WRN: variants seen among roughly 807,000 people sequenced by gnomAD.
WRN encodes WRN RecQ like helicase.
WRN carries 149 observed loss-of-function variants against 180.7 expected under a neutral mutation model. The ratio of observed to expected loss-of-function variants is 0.82; its 90% CI spans 0.72 to 0.94. The LOEUF is 0.94. Among genes scored for constraint, WRN ranks in the 40% least tolerant of loss-of-function variants. The probability of loss-of-function intolerance (pLI) is 0.00; values close to 1 mark genes in which losing one functional copy is unlikely to be tolerated. For missense variants in WRN, 1,661 were observed against 1,700.1 expected (o/e 0.98, Z 0.40); for synonymous variants, 548 against 568.9 (o/e 0.96, Z 0.52).
intron 24 of WRN, among the ~76,000 whole-genome samples, chr8:31,134,492 GT>G (rs1388438001): frequency 2.0e-5 from 3 of 152,154 alleles, no homozygotes; most frequent in Non-Finnish European, 4.4e-5. Flanking sequence ...AAATTAAACA[GT>G]GAAGTTATTA....
rs1803929441 is a variant in WRN, at chr8:31,167,174, G to A, written c.4135G>A (p.Glu1379Lys). 6.2e-7 allele frequency: 1 copy of A among 1,613,324 alleles called. No individual in the cohort carries two copies. The highest frequency in any genetic ancestry group is 8.5e-7 in the Non-Finnish European group (1 of 1,179,460). ...CAAAAGGAGATGTTTTCCCGGTTCT[G>A]AAGAGATCTGTTCAAGTTCTAAGAG... ...VNKRRCFPGS[E>K]EICSSSKRSK... The change falls in exon 34 of 35, where the codon GAA becomes AAA. Residue 1379 changes from glutamate (E) to lysine (K), a missense_variant. By Grantham distance (56) the Glu-to-Lys change is moderately conservative. Transcript: ENST00000298139.
intron 1 of WRN, among the ~76,000 whole-genome samples, chr8:31,042,263 C>G (rs977318739): frequency 1.1e-4 from 17 of 152,178 alleles, no homozygotes; most frequent in African/African-American, 3.9e-4. Flanking sequence ...GAGGGCTGGT[C>G]AGAAGACTGG....
At chr8:31,056,009 G>T (rs964744624) in intron 1 of WRN, among the ~76,000 whole-genome samples, 2 of 152,074 alleles carry the variant, frequency 1.3e-5, no homozygotes, top group Non-Finnish European at 2.9e-5. Flanking sequence ...ACAAATTTAC[G>T]TTCAAATCTT....
chr8:31,149,455 GTTTTTTTTTTTTTTTTTTTTTTTTTT>G (rs71208105), intron 30 of WRN, among the ~76,000 whole-genome samples: 1 of 51,976 alleles, frequency 1.9e-5, no homozygotes, highest in East Asian at 6.8e-4. Flanking sequence ...TAATAGAGGT[GTTTTTTTTTTTTTTTTTTTTTTTTTT>G]TTTTTTTTTT....
chr8:31,157,596 T>A, intron 33 of WRN, 66 bp downstream of exon 33: 1 of 1,585,006 alleles, frequency 6.3e-7, no homozygotes, highest in Non-Finnish European at 8.6e-7. Flanking sequence ...ATCCACTATA[T>A]TTTTCACTGT....
chr8:31,084,004 A>G (rs1227335095), intron 10 of WRN, among the ~76,000 whole-genome samples: 1 of 151,854 alleles, frequency 6.6e-6, no homozygotes, highest in Non-Finnish European at 1.5e-5. Context: ...GTTCCTTCTT[A>G]TTTTTTATTT....
chr8:31,121,153 T>G (rs774113364), intron 21 of WRN, among the ~76,000 whole-genome samples: 2 of 151,978 alleles, frequency 1.3e-5, no homozygotes, highest in Non-Finnish European at 1.5e-5. Context: ...CTTTGTTCCT[T>G]CATCCGTAGG....
At position 31,142,695 on chromosome 8, in the gene WRN, G is replaced by T; in HGVS notation, c.3303G>T (p.Glu1101Asp). 1 of 1,601,940 alleles carries T rather than the reference G, an allele frequency of 6.2e-7. No individual in the cohort carries two copies. The highest frequency in any genetic ancestry group is 1.7e-4 in the Middle Eastern group (1 of 6,000). The change falls in exon 27 of 35, where the codon GAG (glutamate) becomes GAT (aspartate). Residue 1101 changes from glutamate (E) to aspartate (D), a missense_variant. This residue lies in a region of WRN where 1,141 missense variants were observed against 1,149.4 expected (regional missense o/e 0.99). Transcript: ENST00000298139. ...YNQVPVELST[E>D]KKSNLEKLYS... The stretch of plus-strand genomic sequence containing the variant: ...AAGTACCAGTTGAATTAAGTACAGA[G>T]AAGAAGGTTTGTTTTAAAGAAATTG...
At position 31,087,860 on chromosome 8, in the gene WRN, A is replaced by AAAG. The variant is rs781777438; in HGVS notation, c.1530_1532dup (p.Glu510dup). 6.2e-6 allele frequency: 10 copies of AAAG among 1,613,242 alleles called. No individual in the cohort carries two copies. The highest frequency in any genetic ancestry group is 5.0e-5 in the Admixed American group (3 of 59,958). ...GGAAAGAAATCTGGGTCTTCCTACT[A>AAAG]AAGAAGAAGAAGAAGATGATGAAAA... On this transcript the variant is annotated inframe_insertion, in exon 12 of 35. Transcript: ENST00000298139.
At chr8:31,082,607 T>A (rs1813359672) in intron 9 of WRN, among the ~76,000 whole-genome samples, 1 of 152,152 alleles carries the variant, frequency 6.6e-6, no homozygotes, top group Non-Finnish European at 1.5e-5. Context: ...TCATGATTTT[T>A]TTTTTTTGAG....
intron 9 of WRN, 99 bp from the exon 10 acceptor site, chr8:31,083,600 G>C: frequency 1.2e-6 from 1 of 854,280 alleles, no homozygotes; most frequent in South Asian, 1.6e-5. Context: ...GGAAGAGGAA[G>C]TTGTCTAAAG....
At chr8:31,071,981 A>G (rs1268899406) in intron 7 of WRN, among the ~76,000 whole-genome samples, 1 of 152,212 alleles carries the variant, frequency 6.6e-6, no homozygotes, top group Non-Finnish European at 1.5e-5. Flanking sequence ...GATTTTAGGT[A>G]TGTTAAGGGA....
intron 17 of WRN, among the ~76,000 whole-genome samples, chr8:31,098,255 A>G (rs1031543142): frequency 6.6e-6 from 1 of 152,220 alleles, no homozygotes; most frequent in Non-Finnish European, 1.5e-5. Context: ...CTTTGGATTA[A>G]GAATAACTAC....
At chr8:31,092,960 T>C (rs1437583890) in intron 16 of WRN, among the ~76,000 whole-genome samples, 1 of 152,186 alleles carries the variant, frequency 6.6e-6, no homozygotes, top group Non-Finnish European at 1.5e-5. Flanking sequence ...TTTTGTTTTT[T>C]CAGAGTCAGG....
intron 30 of WRN, among the ~76,000 whole-genome samples, 164 bp downstream of exon 30, chr8:31,147,640 G>A (rs150420765): frequency 2.6e-4 from 40 of 152,166 alleles, no homozygotes; most frequent in African/African-American, 9.2e-4. Flanking sequence ...CTTTAGTACC[G>A]TGTTTCTGTA....
intron 1 of WRN, among the ~76,000 whole-genome samples, chr8:31,041,083 A>G (rs752960925): frequency 1.3e-5 from 2 of 152,198 alleles, no homozygotes; most frequent in East Asian, 1.9e-4. Flanking sequence ...AACAGAACCA[A>G]TGGGAGATCT....
At chr8:31,075,386 A>G (rs1813057270) in intron 7 of WRN, among the ~76,000 whole-genome samples, 2 of 152,054 alleles carry the variant, frequency 1.3e-5, no homozygotes, top group Non-Finnish European at 1.5e-5. Flanking sequence ...GAAGTTGAGA[A>G]TTTGGAAGTT....
At chr8:31,044,698 C>T (rs775406262) in intron 1 of WRN, among the ~76,000 whole-genome samples, 16 of 152,134 alleles carry the variant, frequency 1.1e-4, no homozygotes, top group Non-Finnish European at 1.9e-4. Flanking sequence ...ACTGACACTT[C>T]GTTTTCCCTC....
chr8:31,095,511 AG>A (rs1490139671), intron 16 of WRN, among the ~76,000 whole-genome samples: 3 of 152,172 alleles, frequency 2.0e-5, no homozygotes, highest in Non-Finnish European at 4.4e-5. Context: ...TTCTCCTAAA[AG>A]TTTTATAGTT....
Sources: gnomAD v4.1 joint callset for allele counts (sites outside exome capture counted in the v4.1 genomes callset) on GRCh38, gnomAD v4.1.1 for gene constraint, gnomAD v4.1.1 regional missense constraint, MANE v1.5 for transcripts, NCBI Gene and HGNC (gene_info 2026-07-23, HGNC 2026-07-21) for gene names.